Variants in ABI2 observed in about 807,000 individuals in gnomAD.
The protein encoded by ABI2 is abelson interactor 2.
A neutral mutation model predicts 59.2 loss-of-function variants in ABI2; 25 were observed. The ratio of observed to expected loss-of-function variants is 0.42; its 90% confidence interval spans 0.31 to 0.59. The LOEUF is 0.59. Among genes scored for constraint, ABI2 ranks in the 20% least tolerant of loss-of-function variants. The pLI, the probability that ABI2 is intolerant of heterozygous loss-of-function variation, is 0.14. For missense variants in ABI2, 545 were observed against 681.8 expected, an observed-to-expected ratio of 0.80 and a Z score of 2.23; for synonymous variants, 213 against 235.5, an observed-to-expected ratio of 0.90 and a Z score of 0.87.
At chr2:203,384,284 G>GTTTTTGTTTTTGTTTTTTTTTT (rs1559288743) in intron 4 of ABI2, among the ~76,000 whole-genome samples, 4 of 48,516 alleles carry the variant, frequency 8.2e-5, no homozygotes, top group African/African-American at 2.9e-4. Flanking sequence ...TCTTGTTTTT[G>GTTTTTGTTTTTGTTTTTTTTTT]TTTTTGTTTT....
At chr2:203,395,196 A>C in intron 6 of ABI2, 1 of 647,304 alleles carries the variant, frequency 1.5e-6, no homozygotes. Flanking sequence ...GGGATAGTAC[A>C]TCAGAGTATG....
At chr2:203,386,243 C>A (rs1022355493) in intron 4 of ABI2, among the ~76,000 whole-genome samples, 1 of 152,046 alleles carries the variant, frequency 6.6e-6, no homozygotes, top group East Asian at 1.9e-4. Flanking sequence ...CATACAGACA[C>A]AACCTACACA....
chr2:203,361,441 C>T (rs1011626137), intron 1 of ABI2, among the ~76,000 whole-genome samples: 2 of 152,112 alleles, frequency 1.3e-5, no homozygotes, highest in Admixed American at 1.3e-4. Flanking sequence ...GGAGTCTAAC[C>T]TGGGCAACGT....
intron 5 of ABI2, among the ~76,000 whole-genome samples, chr2:203,391,820 C>CA (rs1373761885): frequency 0.098 from 5,824 of 59,546 alleles, 351 homozygotes; most frequent in African/African-American, 0.24. Context: ...GCCCCTGTCT[C>CA]AAAAAAAAAA....
At chr2:203,385,448 T>C (rs1190003902) in intron 4 of ABI2, among the ~76,000 whole-genome samples, 1 of 152,196 alleles carries the variant, frequency 6.6e-6, no homozygotes, top group Non-Finnish European at 1.5e-5. Flanking sequence ...TAATAATTAA[T>C]GAGCAGGGCT....
chr2:203,372,408 A>C (rs981893889), intron 2 of ABI2, among the ~76,000 whole-genome samples: 1 of 152,084 alleles, frequency 6.6e-6, no homozygotes, highest in Non-Finnish European at 1.5e-5. Flanking sequence ...CAAAACCGCC[A>C]TTGTCATCCC....
At chr2:203,367,323 C>CTT (rs35598384) in intron 2 of ABI2, 2,326 of 167,868 alleles carry the variant, frequency 0.014, 15 homozygotes, top group Middle Eastern at 0.028. Flanking sequence ...ATTCCCCCGC[C>CTT]TTTTTTTTTT....
At position 203,413,901 on chromosome 2, in the gene ABI2, T is replaced by G. The variant is rs898560617; in HGVS notation, c.1279+2530T>G. ...TTTGGAACCAGTTATAGTGACCCAG[T>G]TATACTGGGGTAAGAAGTACAGCTA... On this transcript the variant is annotated intron_variant, in intron 10 of 11. Transcript: ENST00000261018. Among the ~76,000 whole-genome samples, 33 of 137,502 alleles carry G rather than the reference T, an allele frequency of 2.4e-4. 1 individual carries two copies. The highest frequency in any genetic ancestry group is 4.1e-4 in the Non-Finnish European group (25 of 60,588). 90.2% of individuals were successfully genotyped at this position (137,502 alleles called of 152,430 possible).
chr2:203,376,125 T>G (rs1484419882), intron 2 of ABI2: 1 of 1,533,974 alleles, frequency 6.5e-7, no homozygotes. Flanking sequence ...AGTTTGAGAT[T>G]GAATGAGGTA....
intron 1 of ABI2, among the ~76,000 whole-genome samples, chr2:203,346,128 G>C (rs1344565708): frequency 2.0e-5 from 3 of 150,956 alleles, no homozygotes. Flanking sequence ...CAGTCTGGGT[G>C]ACAAGAGTGA....
intron 2 of ABI2, among the ~76,000 whole-genome samples, chr2:203,370,730 C>T (rs375104091): frequency 3.9e-5 from 6 of 151,990 alleles, no homozygotes; most frequent in East Asian, 3.9e-4. Context: ...TACTAGATTC[C>T]GAGAGTTTGT....
chr2:203,361,740 A>G (rs1213596810), intron 1 of ABI2, among the ~76,000 whole-genome samples: 6 of 152,316 alleles, frequency 3.9e-5, no homozygotes, highest in Admixed American at 6.5e-5. Context: ...AATACAGGAA[A>G]ATTTAAAAGG....
intron 2 of ABI2, among the ~76,000 whole-genome samples, chr2:203,377,466 AG>A (rs2153170149): frequency 6.6e-6 from 1 of 152,308 alleles, no homozygotes; most frequent in South Asian, 2.1e-4. Context: ...CAATGTCTTG[AG>A]GATTGTGTTA....
At chr2:203,346,056 A>G (rs1186748671) in intron 1 of ABI2, among the ~76,000 whole-genome samples, 1 of 151,586 alleles carries the variant, frequency 6.6e-6, no homozygotes, top group Non-Finnish European at 1.5e-5. Context: ...AAACTGAGGC[A>G]GGAGAATCGC....
intron 2 of ABI2, among the ~76,000 whole-genome samples, chr2:203,375,351 A>G (rs181282794): frequency 1.3e-4 from 20 of 152,348 alleles, no homozygotes; most frequent in Admixed American, 1.1e-3. Flanking sequence ...TTTACTTGCC[A>G]CAGGTGAGTG....
chr2:203,380,881 C>T (rs2096075186), intron 3 of ABI2, among the ~76,000 whole-genome samples: 1 of 152,060 alleles, frequency 6.6e-6, no homozygotes, highest in African/African-American at 2.4e-5. Flanking sequence ...TTAATATTGC[C>T]ACTGCTTTTG....
chr2:203,356,671 A>C (rs1004032899), intron 1 of ABI2, among the ~76,000 whole-genome samples: 2 of 151,714 alleles, frequency 1.3e-5, no homozygotes, highest in Admixed American at 1.3e-4. Flanking sequence ...TTCCAGTCCA[A>C]ATTTTTAAAT....
At chr2:203,352,808 C>G (rs1009477194) in intron 1 of ABI2, among the ~76,000 whole-genome samples, 3 of 152,170 alleles carry the variant, frequency 2.0e-5, no homozygotes, top group Admixed American at 6.5e-5. Context: ...CAGACATGTT[C>G]TAGTCCTGTA....
At position 203,396,368 on chromosome 2, in the gene ABI2, TAAA is replaced by T. The variant is rs534506187; in HGVS notation, c.851-411_851-409del. ...TTAAAAATCATAAAGATTTGTGTTTTAAAAAAAATTTTTAATCTGATAATATGG... is the reference window on the plus strand; with the variant it reads ...TTAAAAATCATAAAGATTTGTGTTTTAAAAATTTTTAATCTGATAATATGG... On this transcript the variant is annotated intron_variant, in intron 7 of 11. Coordinates refer to ENST00000261018, the MANE Select transcript of ABI2 (RefSeq NM_001375670.1). Among the ~76,000 whole-genome samples, 1,374 of 152,250 alleles carry T rather than the reference TAAA, an allele frequency of 9.0e-3. 23 individuals carry two copies. The highest frequency in any genetic ancestry group is 0.031 in the African/African-American group (1,290 of 41,550).
Sources: gnomAD v4.1 joint callset for allele counts (sites outside exome capture counted in the v4.1 genomes callset) on GRCh38, gnomAD v4.1.1 for gene constraint, MANE v1.5 for transcripts, NCBI Gene and HGNC (gene_info 2026-07-23, HGNC 2026-07-21) for gene names.